Variants in DGKB observed in about 807,000 individuals in gnomAD.
DGKB encodes the protein 90 kDa diacylglycerol kinase.
Under a neutral mutation model 114.3 loss-of-function variants are expected in DGKB, and 67 were observed. The observed-to-expected ratio is 0.59, with a 90% CI of 0.48 to 0.72. The LOEUF is 0.72. DGKB is among the 30% of genes least tolerant of loss of function. The pLI is 0.00. For missense variants in DGKB, 907 were observed against 975.2 expected, an observed-to-expected ratio of 0.93 and a Z score of 0.93; for synonymous variants, 398 against 323.1, an observed-to-expected ratio of 1.23 and a Z score of -2.49.
At chr7:14,571,524 T>A (rs1798381054) in intron 20 of DGKB, among the ~76,000 whole-genome samples, 1 of 152,194 alleles carries the variant, frequency 6.6e-6, no homozygotes, top group African/African-American at 2.4e-5. Context: ...GGAATCAAAC[T>A]TTCATATGGG....
chr7:14,868,301 T>C (rs1305034752), intron 1 of DGKB, among the ~76,000 whole-genome samples: 1 of 151,662 alleles, frequency 6.6e-6, no homozygotes. Context: ...CTTTTTTCTA[T>C]AGTCAGACTT....
intron 20 of DGKB, among the ~76,000 whole-genome samples, chr7:14,567,181 A>C (rs1287172865): frequency 1.2e-5 from 1 of 81,750 alleles, no homozygotes; most frequent in African/African-American, 4.7e-5. Flanking sequence ...TATTATATAT[A>C]ATTATATATT....
chr7:14,273,722 A>G (rs944985561), intron 23 of DGKB, among the ~76,000 whole-genome samples: 3 of 152,316 alleles, frequency 2.0e-5, no homozygotes, highest in East Asian at 3.9e-4. Flanking sequence ...TTTCTTTTGA[A>G]AAGGTGTCTT....
intron 21 of DGKB, among the ~76,000 whole-genome samples, chr7:14,397,175 T>C (rs1822345905): frequency 6.6e-6 from 1 of 151,902 alleles, no homozygotes; most frequent in African/African-American, 2.4e-5. Context: ...AGATAGAAAA[T>C]TAGATTATTA....
chr7:14,874,344 T>C (rs761083266), intron 1 of DGKB, among the ~76,000 whole-genome samples: 15 of 152,110 alleles, frequency 9.9e-5, no homozygotes, highest in Non-Finnish European at 1.9e-4. Flanking sequence ...AGAGACAAGT[T>C]AGTTGATAGC....
rs185225628 is a variant in DGKB, at chr7:14,337,098, G to A, written c.2122+1417C>T. ...GTTTTTTAAGCTTGGTTTTAGTATG[G>A]TCCTTAAGCTAATTGCAATACTTAG... On this transcript the variant is annotated intron_variant, in intron 23 of 25. Coordinates refer to ENST00000402815, the MANE Select transcript of DGKB (RefSeq NM_001350709.2). Among the ~76,000 whole-genome samples the A allele has an allele frequency of 3.9e-5, 6 of 152,044 alleles. No individual in the cohort carries two copies. In the East Asian group the frequency reaches 1.2e-3, roughly 29 times the overall value.
chr7:14,413,364 T>C (rs558923985), intron 21 of DGKB, among the ~76,000 whole-genome samples: 1 of 152,266 alleles, frequency 6.6e-6, no homozygotes, highest in East Asian at 1.9e-4. Flanking sequence ...GGAACACTAT[T>C]AATTTTGAGG....
At chr7:14,648,447 C>T (rs528832110) in intron 13 of DGKB, among the ~76,000 whole-genome samples, 147 of 152,130 alleles carry the variant, frequency 9.7e-4, no homozygotes, top group Non-Finnish European at 4.3e-4. Flanking sequence ...CTCTGTTAGA[C>T]GGAAAACTAA....
intron 2 of DGKB, among the ~76,000 whole-genome samples, chr7:14,831,886 C>T (rs1846461705): frequency 6.6e-6 from 1 of 151,828 alleles, no homozygotes; most frequent in African/African-American, 2.4e-5. Flanking sequence ...AAAATCAGAC[C>T]ACTATAAGCA....
chr7:14,578,370 G>C (rs760941029), intron 19 of DGKB, among the ~76,000 whole-genome samples: 1 of 152,044 alleles, frequency 6.6e-6, no homozygotes, highest in Admixed American at 6.5e-5. Context: ...AACCTACAAG[G>C]CACTGTTATT....
At chr7:14,435,264 C>G (rs1829067504) in intron 21 of DGKB, among the ~76,000 whole-genome samples, 1 of 152,068 alleles carries the variant, frequency 6.6e-6, no homozygotes, top group African/African-American at 2.4e-5. Flanking sequence ...AACTAAACAT[C>G]CATTGATTCA....
At chr7:14,577,996 T>A (rs1320610856) in intron 19 of DGKB, among the ~76,000 whole-genome samples, 1 of 152,140 alleles carries the variant, frequency 6.6e-6, no homozygotes, top group Non-Finnish European at 1.5e-5. Flanking sequence ...TCATTTTTAG[T>A]TGTAATCCCC....
intron 2 of DGKB, among the ~76,000 whole-genome samples, chr7:14,826,919 T>C (rs774816234): frequency 1.4e-4 from 22 of 152,168 alleles, no homozygotes; most frequent in Admixed American, 3.3e-4. Context: ...AAAAATGCAC[T>C]ACTGTGAATA....
chr7:14,621,139 T>G, intron 15 of DGKB: 1 of 393,732 alleles, frequency 2.5e-6, no homozygotes, highest in Non-Finnish European at 4.5e-6. Context: ...TCAAAAGATC[T>G]CTTGCCAATT....
intron 25 of DGKB, among the ~76,000 whole-genome samples, chr7:14,161,548 C>A (rs1021456405): frequency 4.1e-4 from 62 of 152,162 alleles, no homozygotes; most frequent in African/African-American, 1.3e-3. Flanking sequence ...CTATCATTAT[C>A]AGCAAACTAA....
At chr7:14,367,211 C>G (rs2128642960) in intron 21 of DGKB, among the ~76,000 whole-genome samples, 1 of 152,138 alleles carries the variant, frequency 6.6e-6, no homozygotes, top group East Asian at 1.9e-4. Context: ...TGTAAGTGTT[C>G]TGAGCATGTT....
chr7:14,471,088 TC>T (rs975379886), intron 21 of DGKB, among the ~76,000 whole-genome samples: 17 of 150,938 alleles, frequency 1.1e-4, no homozygotes, highest in African/African-American at 4.1e-4. Flanking sequence ...TGTGGGCTTT[TC>T]TTTGTCTCTA....
intron 23 of DGKB, among the ~76,000 whole-genome samples, chr7:14,217,348 G>A (rs986995125): frequency 3.3e-5 from 5 of 151,700 alleles, no homozygotes; most frequent in African/African-American, 1.2e-4. Flanking sequence ...TGCTTCCTTG[G>A]GACGTGGGTT....
intron 4 of DGKB, 28 bp downstream of exon 4, chr7:14,753,900 G>A: frequency 7.2e-7 from 1 of 1,384,492 alleles, no homozygotes; most frequent in Non-Finnish European, 1.0e-6. Context: ...AGAAAAGACA[G>A]ACTTTAATAG....
Sources: gnomAD v4.1 joint callset for allele counts (sites outside exome capture counted in the v4.1 genomes callset) on GRCh38, gnomAD v4.1.1 for gene constraint, MANE v1.5 for transcripts, NCBI Gene and HGNC (gene_info 2026-07-23, HGNC 2026-07-21) for gene names.